HECW1: variants seen among roughly 807,000 people sequenced by gnomAD.
The protein encoded by HECW1 is E3 ubiquitin-protein ligase HECW1.
A neutral mutation model predicts 182.3 loss-of-function variants in HECW1; 61 were observed. The observed-to-expected ratio is 0.33, with a 90% confidence interval of 0.27 to 0.41. The LOEUF is 0.41. HECW1 is among the 10% of genes least tolerant of loss of function. The pLI is 1.00. For synonymous variants in HECW1, 859 were observed against 832.6 expected, an observed-to-expected ratio of 1.03 and a Z score of -0.55; for missense variants, 1,739 against 2,108.9, an observed-to-expected ratio of 0.82 and a Z score of 3.44.
intron 17 of HECW1, among the ~76,000 whole-genome samples, chr7:43,489,985 C>CT (rs1254695682): frequency 2.0e-5 from 3 of 151,938 alleles, no homozygotes; most frequent in Non-Finnish European, 4.4e-5. Flanking sequence ...AATGTCTTTC[C>CT]TTTTTTTTAA....
Position 43,562,180 on chromosome 7 carries a change from G to A in HECW1, c.*254G>A, listed in dbSNP as rs536291541. 25 of 430,558 alleles carry A rather than the reference G, an allele frequency of 5.8e-5. No homozygotes were observed. The highest frequency in any genetic ancestry group is 5.3e-4 in the Admixed American group (13 of 24,602). 26.7% of individuals were successfully genotyped at this position (430,558 alleles called of 1,614,324 possible). A position where few individuals can be genotyped will look rare whatever the true frequency, so the allele number is the denominator to read the frequency against. On this transcript the variant is annotated 3_prime_UTR_variant, in exon 30 of 30. Coordinates refer to ENST00000395891, the MANE Select transcript of HECW1 (RefSeq NM_015052.5). The stretch of plus-strand genomic sequence containing the variant: ...CAATATTAAAAAACAGCTGTCTCAA[G>A]GTCTGTGTATATCTCCACATACCTC...
At chr7:43,308,034 T>G (rs1357815295) in intron 3 of HECW1, among the ~76,000 whole-genome samples, 5 of 113,804 alleles carry the variant, frequency 4.4e-5, no homozygotes, top group Non-Finnish European at 6.6e-5. Flanking sequence ...ATATTATATA[T>G]TATATTGTAT....
intron 2 of HECW1, among the ~76,000 whole-genome samples, chr7:43,169,139 C>G (rs1473442601): frequency 1.3e-5 from 2 of 152,198 alleles, no homozygotes; most frequent in Admixed American, 1.3e-4. Flanking sequence ...TACAAGGGAT[C>G]ATATGCTATT....
rs746181473 is a variant in HECW1, at chr7:43,320,717, C to T, written c.435C>T (p.Ile145=). 6.2e-6 allele frequency: 10 copies of T among 1,613,884 alleles called. No homozygotes were observed. Among genetic ancestry groups the T allele is most frequent in the African/African-American group, 1.3e-5 (1 of 75,012 alleles). The change falls in exon 5 of 30, where the codon ATC becomes ATT. Residue 145 remains isoleucine (I), a synonymous_variant. Coordinates refer to ENST00000395891, the MANE Select transcript of HECW1 (RefSeq NM_015052.5). ...ATCGGGGCCAGATCATCTGGAAGAT[C>T]GATGCCAGCTCGTACTTTGTGGAAC... ...GSHRGQIIWK[I]DASSYFVEPE... is the part of the protein sequence containing the mutation.
intron 23 of HECW1, 198 bp from the exon 24 acceptor site, chr7:43,508,771 C>T: frequency 1.7e-6 from 1 of 598,332 alleles, no homozygotes; most frequent in East Asian, 2.7e-5. Flanking sequence ...GGTTAAGAAA[C>T]ATCTCCAAAC....
At position 43,479,705 on chromosome 7, in the gene HECW1, A is replaced by G; in HGVS notation, c.3195A>G (p.Arg1065=). The change falls in exon 17 of 30, where the codon CGA becomes CGG. Residue 1065 remains arginine, a synonymous_variant. Transcript: ENST00000395891. The stretch of plus-strand genomic sequence containing the variant: ...GTCTTCCCAATCATCTAACTCACCG[A>G]CAGCACCTCCAGAGGCTCCGAAGTT... ...NGRLPNHLTH[R]QHLQRLRSYS... The G allele has an allele frequency of 4.3e-6, 7 of 1,613,830 alleles. No individual in the cohort carries two copies. Among genetic ancestry groups the G allele is most frequent in the Non-Finnish European group, 5.9e-6 (7 of 1,179,962 alleles).
chr7:43,380,933 G>A (rs1469991885), intron 6 of HECW1, among the ~76,000 whole-genome samples: 4 of 152,156 alleles, frequency 2.6e-5, no homozygotes, highest in Non-Finnish European at 2.9e-5. Context: ...TTACAAAGTG[G>A]TTTTACAAAT....
chr7:43,241,896 A>T (rs1017837157), intron 2 of HECW1, among the ~76,000 whole-genome samples: 1 of 152,140 alleles, frequency 6.6e-6, no homozygotes, highest in African/African-American at 2.4e-5. Flanking sequence ...AAGGGGAAGC[A>T]CAGGGGAGGC....
At chr7:43,504,308 C>T (rs957426297) in intron 21 of HECW1, among the ~76,000 whole-genome samples, 13 of 152,214 alleles carry the variant, frequency 8.5e-5, no homozygotes, top group African/African-American at 2.9e-4. Context: ...ATCATCTCCA[C>T]AATCGCTAAT....
At chr7:43,129,691 A>T (rs1179923209) in intron 2 of HECW1, among the ~76,000 whole-genome samples, 3 of 152,160 alleles carry the variant, frequency 2.0e-5, no homozygotes, top group African/African-American at 7.2e-5. Flanking sequence ...TGGACAAACC[A>T]CTGGTGTCTT....
At chr7:43,434,029 A>G (rs759599402) in intron 8 of HECW1, among the ~76,000 whole-genome samples, 1 of 151,904 alleles carries the variant, frequency 6.6e-6, no homozygotes, top group Non-Finnish European at 1.5e-5. Context: ...AGGCAACAAT[A>G]CATCCTTTTT....
At chr7:43,236,991 A>C (rs1418892249) in intron 2 of HECW1, among the ~76,000 whole-genome samples, 5 of 148,960 alleles carry the variant, frequency 3.4e-5, no homozygotes, top group Admixed American at 6.7e-5. Flanking sequence ...AAATGAAACC[A>C]AAAAAAAACT....
intron 7 of HECW1, among the ~76,000 whole-genome samples, chr7:43,404,303 T>TGAAGAAA (rs1475292665): frequency 6.6e-6 from 1 of 152,196 alleles, no homozygotes; most frequent in Admixed American, 6.5e-5. Flanking sequence ...CCTGTACAAA[T>TGAAGAAA]GAAGAAACAT....
intron 5 of HECW1, among the ~76,000 whole-genome samples, chr7:43,328,086 G>A (rs1811024648): frequency 6.6e-6 from 1 of 151,844 alleles, no homozygotes; most frequent in Non-Finnish European, 1.5e-5. Context: ...GGGAGGAAGT[G>A]GCGGAAGGAT....
chr7:43,436,080 C>T (rs1049595909), intron 8 of HECW1, among the ~76,000 whole-genome samples: 8 of 142,440 alleles, frequency 5.6e-5, no homozygotes, highest in Non-Finnish European at 1.2e-4. Flanking sequence ...AGGAGAATGG[C>T]GTGAACCTGG....
intron 2 of HECW1, among the ~76,000 whole-genome samples, 187 bp downstream of exon 2, chr7:43,114,578 T>C (rs1784895209): frequency 6.6e-6 from 1 of 152,244 alleles, no homozygotes; most frequent in African/African-American, 2.4e-5. Flanking sequence ...TCCTCTGGAA[T>C]GTGGCATTGG....
intron 2 of HECW1, among the ~76,000 whole-genome samples, chr7:43,219,076 G>A (rs936520251): frequency 5.9e-5 from 9 of 152,084 alleles, no homozygotes; most frequent in South Asian, 4.2e-4. Flanking sequence ...TGTAGCCTGC[G>A]AAAAAAACTA....
intron 3 of HECW1, among the ~76,000 whole-genome samples, chr7:43,293,279 TGTGGGAGCA>T (rs1373515390): frequency 4.7e-5 from 7 of 148,814 alleles, no homozygotes; most frequent in African/African-American, 1.7e-4. Flanking sequence ...CACTCCACAG[TGTGGGAGCA>T]GACCCGAGCA....
chr7:43,296,351 G>A (rs952373282), intron 3 of HECW1, among the ~76,000 whole-genome samples: 1 of 152,052 alleles, frequency 6.6e-6, no homozygotes, highest in Non-Finnish European at 1.5e-5. Context: ...CAAAAGTCCC[G>A]ACTCTGGACT....
Sources: allele counts gnomAD v4.1 joint callset (sites outside exome capture counted in the v4.1 genomes callset), GRCh38; gene constraint gnomAD v4.1.1; transcripts MANE v1.5; gene names NCBI Gene and HGNC (gene_info 2026-07-23, HGNC 2026-07-21).